CNPY1: variants seen among roughly 807,000 people sequenced by gnomAD.
CNPY1 encodes the protein canopy FGF signaling regulator 1, also known as protein canopy homolog 1.
CNPY1 carries 14 observed loss-of-function variants against 14.4 expected under a neutral mutation model. That is an observed-to-expected ratio of 0.97 (90% CI 0.64 to 1.52). The LOEUF (loss-of-function observed/expected upper bound fraction) is 1.52, where lower values mean the gene tolerates loss of function less well. CNPY1 is among the 40% of genes most tolerant of loss of function. The pLI is 0.00. For missense variants in CNPY1, 129 were observed against 131.5 expected (o/e 0.98, Z 0.09); for synonymous variants, 43 against 46.5 (o/e 0.92, Z 0.31).
chr7:155,529,511 T>A (rs903857552), intron 2 of CNPY1, among the ~76,000 whole-genome samples: 1 of 152,164 alleles, frequency 6.6e-6, no homozygotes, highest in African/African-American at 2.4e-5. Flanking sequence ...CAAGGGTCCT[T>A]CCTTCCCTCT....
In CNPY1 at chr7:155,532,982, C is replaced by T. The variant is rs958887929; in HGVS notation, c.99+12849G>A. Among the ~76,000 whole-genome samples the T allele has an allele frequency of 2.6e-5, 4 of 152,320 alleles. No individual in the cohort carries two copies. In the South Asian group the frequency reaches 6.2e-4, roughly 24 times the overall value. On this transcript the variant is annotated intron_variant, in intron 2 of 4. Transcript: ENST00000636446. ...CTGAGTCTACAGTCAGAAAACAAAACGTGCTCATTTCTCCTTTACCGCTAT... is the reference window on the plus strand; with the variant it reads ...CTGAGTCTACAGTCAGAAAACAAAATGTGCTCATTTCTCCTTTACCGCTAT...
chr7:155,531,169 G>A (rs557808970), intron 2 of CNPY1, among the ~76,000 whole-genome samples: 4 of 152,228 alleles, frequency 2.6e-5, no homozygotes, highest in Admixed American at 6.5e-5. Flanking sequence ...ACAGGCATGC[G>A]TGCCCTGCGT....
intron 2 of CNPY1, among the ~76,000 whole-genome samples, chr7:155,526,496 G>C (rs891658950): frequency 6.6e-6 from 1 of 152,142 alleles, no homozygotes; most frequent in Non-Finnish European, 1.5e-5. Flanking sequence ...CATCAGGCGG[G>C]ACAGGGAGAG....
intron 2 of CNPY1, among the ~76,000 whole-genome samples, chr7:155,528,654 G>A (rs965332080): frequency 4.6e-5 from 7 of 152,206 alleles, no homozygotes; most frequent in Admixed American, 1.3e-4. Context: ...CACTGTCTCC[G>A]CTGCCACAAA....
chr7:155,504,930 G>T (rs1228931076), intron 4 of CNPY1, among the ~76,000 whole-genome samples: 4 of 152,186 alleles, frequency 2.6e-5, no homozygotes, highest in African/African-American at 9.7e-5. Context: ...CCCTTCAGTT[G>T]TCTGAAACCA....
intron 2 of CNPY1, among the ~76,000 whole-genome samples, chr7:155,522,781 G>A (rs1320411205): frequency 6.6e-6 from 1 of 152,202 alleles, no homozygotes; most frequent in Non-Finnish European, 1.5e-5. Flanking sequence ...CCAGGCAGGT[G>A]CCCCCAAATG....
chr7:155,522,762 C>T (rs1198206035), intron 2 of CNPY1, among the ~76,000 whole-genome samples: 12 of 152,192 alleles, frequency 7.9e-5, no homozygotes, highest in African/African-American at 2.2e-4. Flanking sequence ...ACGCTAGTCA[C>T]GCATAGCACC....
intron 2 of CNPY1, among the ~76,000 whole-genome samples, chr7:155,527,071 TGAGACAGTC>T (rs1796839066): frequency 6.9e-6 from 1 of 145,588 alleles, no homozygotes; most frequent in African/African-American, 2.5e-5. Flanking sequence ...TTTTTTTTTT[TGAGACAGTC>T]TTGCTCTGTT....
intron 4 of CNPY1, 129 bp downstream of exon 4, chr7:155,506,891 G>A (rs914299184): frequency 2.2e-5 from 14 of 644,222 alleles, no homozygotes; most frequent in Admixed American, 5.3e-5. Context: ...CAGCGGAGAC[G>A]GGGGATCCTG....
At chr7:155,544,067 A>T (rs1448983287) in intron 2 of CNPY1, among the ~76,000 whole-genome samples, 2 of 152,164 alleles carry the variant, frequency 1.3e-5, no homozygotes. Flanking sequence ...GGGATTAGAC[A>T]CACTGGAAAG....
intron 2 of CNPY1, among the ~76,000 whole-genome samples, chr7:155,522,257 C>A (rs1796740610): frequency 6.6e-6 from 1 of 152,244 alleles, no homozygotes; most frequent in Non-Finnish European, 1.5e-5. Context: ...GGTATCGCTA[C>A]CGCATGTTGT....
chr7:155,528,790 GT>G (rs746826431), intron 2 of CNPY1, among the ~76,000 whole-genome samples: 16 of 152,210 alleles, frequency 1.1e-4, no homozygotes, highest in Non-Finnish European at 2.4e-4. Context: ...GCTGGGCGCG[GT>G]GGCTCACACC....
At chr7:155,533,036 C>T (rs776653601) in intron 2 of CNPY1, among the ~76,000 whole-genome samples, 2 of 152,210 alleles carry the variant, frequency 1.3e-5, no homozygotes, top group South Asian at 2.1e-4. Context: ...CAAATCGATA[C>T]CCACTCAACG....
Position 155,502,626 on chromosome 7 carries a change from G to A in CNPY1, c.*442C>T, listed in dbSNP as rs1254633616. 1.3e-5 allele frequency: 2 copies of A among 154,812 alleles called. No homozygotes were observed. Among genetic ancestry groups the A allele is most frequent in the African/African-American group, 4.8e-5 (2 of 41,512 alleles). The allele number at this position is 154,812 out of a possible 1,614,324, so 9.6% of individuals were successfully genotyped here. On this transcript the variant is annotated 3_prime_UTR_variant, in exon 5 of 5. Transcript: ENST00000636446. ...GGCCACATTTTGAATTTGTTGCCAT[G>A]TATTTCCTTAAATTTATAGGCAATC...
chr7:155,545,943 G>A lies in CNPY1; in HGVS notation c.-14C>T, dbSNP rs1309448375. On this transcript the variant is annotated splice_region_variant and 5_prime_UTR_variant, in exon 2 of 5. Transcript: ENST00000636446. ...TATCTCGTCCATCAGCGCCCTGCACGCTAAACAAGACACAAAACAGCTGTG... is the reference window on the plus strand; with the variant it reads ...TATCTCGTCCATCAGCGCCCTGCACACTAAACAAGACACAAAACAGCTGTG... 2.5e-5 allele frequency: 10 copies of A among 398,442 alleles called. No homozygotes were observed. Among genetic ancestry groups the A allele is most frequent in the African/African-American group, 6.2e-5 (3 of 48,588 alleles). 24.7% of individuals were successfully genotyped at this position (398,442 alleles called of 1,614,324 possible). A position where few individuals can be genotyped will look rare whatever the true frequency, so the allele number is the denominator to read the frequency against.
At chr7:155,517,396 C>T (rs921397768) in intron 2 of CNPY1, among the ~76,000 whole-genome samples, 1 of 152,192 alleles carries the variant, frequency 6.6e-6, no homozygotes, top group African/African-American at 2.4e-5. Flanking sequence ...AATGAATTTC[C>T]ATTGTTAGTG....
chr7:155,533,490 C>CGAGGTG (rs894692908), intron 2 of CNPY1, among the ~76,000 whole-genome samples: 4 of 152,210 alleles, frequency 2.6e-5, no homozygotes, highest in African/African-American at 9.6e-5. Context: ...AGAATGACAG[C>CGAGGTG]GAGGTGCACG....
At chr7:155,510,329 C>T (rs1231859405) in intron 2 of CNPY1, 3 of 152,212 alleles carry the variant, frequency 2.0e-5, no homozygotes, top group Non-Finnish European at 4.4e-5. Flanking sequence ...GACCCAGGTT[C>T]CATTACAAAC....
At chr7:155,523,938 G>T (rs1438755116) in intron 2 of CNPY1, among the ~76,000 whole-genome samples, 1 of 152,154 alleles carries the variant, frequency 6.6e-6, no homozygotes. Flanking sequence ...AGAGGCTGGG[G>T]TGATAGATCT....
Sources: gnomAD v4.1 joint callset for allele counts (sites outside exome capture counted in the v4.1 genomes callset) on GRCh38, gnomAD v4.1.1 for gene constraint, MANE v1.5 for transcripts, NCBI Gene and HGNC (gene_info 2026-07-23, HGNC 2026-07-21) for gene names.